The following NLK variants were observed in gnomAD, a reference collection of about 807,000 sequenced individuals.
The protein encoded by NLK is nemo like kinase.
In NLK, 11 loss-of-function variants were observed where a neutral mutation model predicts 59.0. The ratio of observed to expected loss-of-function variants is 0.19; its 90% confidence interval spans 0.12 to 0.31. The LOEUF (loss-of-function observed/expected upper bound fraction) is 0.31, where lower values mean the gene tolerates loss of function less well. NLK is among the 10% of genes least tolerant of loss of function. The pLI is 1.00. For missense variants in NLK, 410 were observed against 661.1 expected (o/e 0.62, Z 4.16); for synonymous variants, 235 against 235.9 (o/e 1.00, Z 0.03).
At chr17:28,169,508 G>A (rs1483165046) in intron 6 of NLK, among the ~76,000 whole-genome samples, 1 of 152,082 alleles carries the variant, frequency 6.6e-6, no homozygotes, top group Admixed American at 6.5e-5. Flanking sequence ...CATGTTACTT[G>A]AATTGTCTTT....
chr17:28,111,077 C>T (rs1292920244), intron 1 of NLK, among the ~76,000 whole-genome samples: 1 of 152,162 alleles, frequency 6.6e-6, no homozygotes. Flanking sequence ...ATCTCCTGAC[C>T]TCGTGATCCG....
intron 1 of NLK, among the ~76,000 whole-genome samples, chr17:28,119,147 A>C (rs547107570): frequency 6.6e-6 from 1 of 152,298 alleles, no homozygotes; most frequent in Admixed American, 6.5e-5. Flanking sequence ...TTGAGTAACA[A>C]AAAATAAAAG....
chr17:28,104,473 C>T (rs1232851130), intron 1 of NLK, among the ~76,000 whole-genome samples: 2 of 152,062 alleles, frequency 1.3e-5, no homozygotes, highest in African/African-American at 2.4e-5. Flanking sequence ...TCAGGCTGGT[C>T]TCGAACTCCT....
At chr17:28,092,747 T>TTTTTATTTTATTTTATTTTA (rs527686804) in intron 1 of NLK, among the ~76,000 whole-genome samples, 18 of 139,390 alleles carry the variant, frequency 1.3e-4, no homozygotes, top group African/African-American at 3.6e-4. Flanking sequence ...AAGTGGCTTG[T>TTTTTATTTTATTTTATTTTA]TTTTATTTTA....
At chr17:28,132,527 G>A in intron 2 of NLK, 93 bp from the exon 3 acceptor site, 1 of 900,644 alleles carries the variant, frequency 1.1e-6, no homozygotes, top group Non-Finnish European at 1.8e-6. Context: ...AAGCTTTAAA[G>A]CATTAAAGAG....
intron 1 of NLK, among the ~76,000 whole-genome samples, chr17:28,060,981 G>A (rs1342739805): frequency 6.6e-6 from 1 of 152,182 alleles, no homozygotes; most frequent in East Asian, 1.9e-4. Context: ...GAGTAGTAGA[G>A]TGGTCATCTT....
chr17:28,052,848 C>CTTT (rs1909305665), intron 1 of NLK, among the ~76,000 whole-genome samples: 1 of 150,152 alleles, frequency 6.7e-6, no homozygotes, highest in African/African-American at 2.4e-5. Context: ...TCTGTAGCCA[C>CTTT]ACATGGCTAC....
intron 1 of NLK, chr17:28,061,845 TATA>T (rs1375487520): frequency 6.9e-6 from 1 of 145,408 alleles, no homozygotes; most frequent in Admixed American, 7.0e-5. Context: ...TATACATATA[TATA>T]ATATATAATA....
At chr17:28,060,853 T>C (rs756396488) in intron 1 of NLK, among the ~76,000 whole-genome samples, 4 of 152,184 alleles carry the variant, frequency 2.6e-5, no homozygotes, top group Non-Finnish European at 5.9e-5. Flanking sequence ...TTTCGCAAAA[T>C]TGAATGCACA....
intron 1 of NLK, among the ~76,000 whole-genome samples, chr17:28,081,841 C>T (rs1056613183): frequency 8.5e-5 from 13 of 152,186 alleles, no homozygotes; most frequent in African/African-American, 2.9e-4. Flanking sequence ...GAACACTTGT[C>T]AGTTGCCCAA....
chr17:28,197,248 C>G (rs1909504450), downstream of NLK, among the ~76,000 whole-genome samples: 1 of 152,078 alleles, frequency 6.6e-6, no homozygotes, highest in African/African-American at 2.4e-5. Context: ...GTGGGCAGAT[C>G]ACTTGAGGTC....
chr17:28,062,936 T>C (rs766034648), intron 1 of NLK, among the ~76,000 whole-genome samples: 13 of 152,198 alleles, frequency 8.5e-5, no homozygotes, highest in Non-Finnish European at 1.6e-4. Flanking sequence ...ACGATATTTT[T>C]ATTTTTTATT....
chr17:28,063,936 T>C (rs1010169376), intron 1 of NLK, among the ~76,000 whole-genome samples: 5 of 152,216 alleles, frequency 3.3e-5, no homozygotes, highest in Non-Finnish European at 5.9e-5. Context: ...TTTAGCCCTT[T>C]GAATAGTTTA....
intron 1 of NLK, among the ~76,000 whole-genome samples, chr17:28,113,737 C>A (rs1905628116): frequency 6.6e-6 from 1 of 152,170 alleles, no homozygotes; most frequent in Non-Finnish European, 1.5e-5. Flanking sequence ...AATGCCTTAA[C>A]TTCCTGGGAA....
At chr17:28,151,074 A>G (rs937034041) in intron 3 of NLK, among the ~76,000 whole-genome samples, 2 of 152,202 alleles carry the variant, frequency 1.3e-5, no homozygotes, top group Non-Finnish European at 2.9e-5. Flanking sequence ...CTCAGAAACA[A>G]TAATCAGATA....
intron 7 of NLK, among the ~76,000 whole-genome samples, chr17:28,174,972 T>G (rs1908614445): frequency 6.6e-6 from 1 of 151,828 alleles, no homozygotes; most frequent in Non-Finnish European, 1.5e-5. Flanking sequence ...ATATTTGGTA[T>G]GTAGCCACCT....
chr17:28,085,113 C>T (rs1597671362), intron 1 of NLK, among the ~76,000 whole-genome samples: 1 of 152,224 alleles, frequency 6.6e-6, no homozygotes, highest in Non-Finnish European at 1.5e-5. Context: ...TAGAAATAAG[C>T]AGATGGAACA....
chr17:28,098,327 G>A (rs1209955860), intron 1 of NLK, among the ~76,000 whole-genome samples: 1 of 152,130 alleles, frequency 6.6e-6, no homozygotes, highest in African/African-American at 2.4e-5. Context: ...TAGGCAGAAC[G>A]GGTAGCCTCA....
intron 4 of NLK, 49 bp downstream of exon 4, chr17:28,161,315 T>C (rs1907994325): frequency 9.8e-7 from 1 of 1,018,690 alleles, no homozygotes; most frequent in Admixed American, 1.8e-5. Context: ...GTAAATGAAA[T>C]GTTTTGCTTC....
Sources: allele counts gnomAD v4.1 joint callset (sites outside exome capture counted in the v4.1 genomes callset), GRCh38; gene constraint gnomAD v4.1.1; transcripts MANE v1.5; gene names NCBI Gene and HGNC (gene_info 2026-07-23, HGNC 2026-07-21).